Variants in MGMT observed in about 807,000 individuals in gnomAD.
The protein encoded by MGMT is methylated-DNA--protein-cysteine methyltransferase.
In MGMT, 14 loss-of-function variants were observed where a neutral mutation model predicts 15.9. The ratio of observed to expected loss-of-function variants is 0.88; its 90% CI spans 0.58 to 1.37. The LOEUF is 1.37. MGMT is among the 40% of genes most tolerant of loss of function. MGMT has a pLI of 0.00. For missense variants in MGMT, 282 were observed against 268.1 expected (o/e 1.05, Z -0.36); for synonymous variants, 130 against 118.2 (o/e 1.10, Z -0.65).
intron 1 of MGMT, among the ~76,000 whole-genome samples, chr10:129,486,653 A>G (rs1277581563): frequency 1.3e-5 from 2 of 151,348 alleles, no homozygotes; most frequent in African/African-American, 4.8e-5. Flanking sequence ...ATTTATTTGT[A>G]TTTCTACTCT....
At chr10:129,560,036 T>G (rs1451949790) in intron 2 of MGMT, among the ~76,000 whole-genome samples, 1 of 152,158 alleles carries the variant, frequency 6.6e-6, no homozygotes, top group South Asian at 2.1e-4. Context: ...GGAGCAAAAG[T>G]GGAATTATGA....
chr10:129,665,996 A>G (rs542712902), intron 2 of MGMT, among the ~76,000 whole-genome samples: 3 of 152,266 alleles, frequency 2.0e-5, no homozygotes, highest in East Asian at 3.9e-4. Context: ...TGGTTACCTA[A>G]GAGAATATTC....
At position 129,533,513 on chromosome 10, in the gene MGMT, G is replaced by T. The variant is rs1845954597; in HGVS notation, c.-12-2728G>T. On this transcript the variant is annotated intron_variant, in intron 1 of 4. Coordinates refer to ENST00000651593, the MANE Select transcript of MGMT (RefSeq NM_002412.5). The surrounding 1 kb of genome is among the most constrained non-coding windows in gnomAD (Gnocchi z 4.5). ...CTGGGCTGTTTACTGCCAGTCTGCTGGGAGCTTTGACCCACCATCGTGCAG... is the reference window on the plus strand; with the variant it reads ...CTGGGCTGTTTACTGCCAGTCTGCTTGGAGCTTTGACCCACCATCGTGCAG... Among the ~76,000 whole-genome samples the T allele has an allele frequency of 6.6e-6, 1 of 152,204 alleles. No individual in the cohort carries two copies. Among genetic ancestry groups the T allele is most frequent in the African/African-American group, 2.4e-5 (1 of 41,444 alleles).
chr10:129,580,937 C>T (rs1472458868), intron 2 of MGMT, among the ~76,000 whole-genome samples: 1 of 152,240 alleles, frequency 6.6e-6, no homozygotes, highest in Non-Finnish European at 1.5e-5. Context: ...TCCTTACACG[C>T]CCAGATCCAG....
intron 2 of MGMT, among the ~76,000 whole-genome samples, chr10:129,644,323 A>C (rs1847360946): frequency 6.6e-6 from 1 of 152,190 alleles, no homozygotes; most frequent in South Asian, 2.1e-4. Context: ...AAAAAGTGAC[A>C]ATGGCAGTAC....
At chr10:129,506,342 C>T (rs573976734) in intron 1 of MGMT, among the ~76,000 whole-genome samples, 4 of 152,296 alleles carry the variant, frequency 2.6e-5, no homozygotes, top group African/African-American at 9.6e-5. Context: ...TCCATGGCAT[C>T]CCATCCTCTT....
intron 4 of MGMT, among the ~76,000 whole-genome samples, chr10:129,761,447 G>C (rs10829626): frequency 0.65 from 98,820 of 152,162 alleles, 32,990 homozygotes; most frequent in African/African-American, 0.81. Context: ...ACCAGCCTTT[G>C]GTGATGCCAG....
rs1027011743 is a variant in MGMT at position 129,767,308 on chromosome 10, G to A, written c.*311G>A. On this transcript the variant is annotated 3_prime_UTR_variant, in exon 5 of 5. Transcript: ENST00000651593. ...GGCAGTCTGGCACCCTCAGGCCACA[G>A]ACGGCTGCCATAGCCGCTGTCCAGG... The A allele has an allele frequency of 4.4e-6, 1 of 229,066 alleles. No individual in the cohort carries two copies. The highest frequency in any genetic ancestry group is 2.3e-5 in the African/African-American group (1 of 43,738). 14.2% of individuals were successfully genotyped at this position (229,066 alleles called of 1,614,324 possible). A position where few individuals can be genotyped will look rare whatever the true frequency, so the allele number is the denominator to read the frequency against.
chr10:129,634,738 T>G (rs1343387434), intron 2 of MGMT, among the ~76,000 whole-genome samples: 2 of 152,216 alleles, frequency 1.3e-5, no homozygotes, highest in Non-Finnish European at 2.9e-5. Flanking sequence ...ATGTCTGGAA[T>G]ACAGTTACAT....
intron 2 of MGMT, among the ~76,000 whole-genome samples, chr10:129,652,327 T>C (rs549206636): frequency 6.6e-6 from 1 of 152,020 alleles, no homozygotes; most frequent in African/African-American, 2.4e-5. Flanking sequence ...TCCAGTAGAG[T>C]GGAGGGAAAA....
At chr10:129,733,012 A>G (rs1035571581) in intron 3 of MGMT, among the ~76,000 whole-genome samples, 1 of 151,856 alleles carries the variant, frequency 6.6e-6, no homozygotes, top group African/African-American at 2.4e-5. Context: ...ATGCCGCAAT[A>G]AACATACGTG....
At chr10:129,591,698 G>A (rs1190302488) in intron 2 of MGMT, among the ~76,000 whole-genome samples, 2 of 152,172 alleles carry the variant, frequency 1.3e-5, no homozygotes, top group South Asian at 2.1e-4. Context: ...TTGGGAGGCC[G>A]AGGTGGGTGG....
intron 2 of MGMT, among the ~76,000 whole-genome samples, chr10:129,666,779 T>C (rs1847663666): frequency 6.6e-6 from 1 of 152,158 alleles, no homozygotes; most frequent in African/African-American, 2.4e-5. Context: ...ATGCTGAGAG[T>C]AGTGATACTG....
chr10:129,527,946 C>T (rs1329436863), intron 1 of MGMT, among the ~76,000 whole-genome samples: 1 of 152,068 alleles, frequency 6.6e-6, no homozygotes, highest in Non-Finnish European at 1.5e-5. Flanking sequence ...TCCTCTCCTC[C>T]TCCTCTCCAC....
intron 2 of MGMT, among the ~76,000 whole-genome samples, chr10:129,578,601 G>A (rs567124390): frequency 6.6e-6 from 1 of 152,286 alleles, no homozygotes; most frequent in African/African-American, 2.4e-5. Flanking sequence ...GTTAATGGGT[G>A]CAGCACACCA....
intron 2 of MGMT, among the ~76,000 whole-genome samples, chr10:129,548,534 A>G (rs995862816): frequency 6.6e-6 from 1 of 152,214 alleles, no homozygotes; most frequent in African/African-American, 2.4e-5. Flanking sequence ...TTTCCTTCAA[A>G]GTTTTTGGTG....
At chr10:129,684,714 T>TC (rs959433398) in intron 2 of MGMT, among the ~76,000 whole-genome samples, 1 of 152,154 alleles carries the variant, frequency 6.6e-6, no homozygotes, top group African/African-American at 2.4e-5. Flanking sequence ...GAAAGGAGGT[T>TC]CCCCAAGACT....
intron 1 of MGMT, among the ~76,000 whole-genome samples, chr10:129,498,213 G>T (rs1454642387): frequency 1.3e-5 from 2 of 152,252 alleles, no homozygotes; most frequent in Non-Finnish European, 2.9e-5. Flanking sequence ...ACATATGTCT[G>T]TCAGTTACTG....
intron 4 of MGMT, among the ~76,000 whole-genome samples, chr10:129,765,258 C>G (rs980182582): frequency 3.3e-5 from 5 of 152,188 alleles, no homozygotes; most frequent in African/African-American, 1.2e-4. Context: ...CCAGCCAATT[C>G]TTTCTTTAGA....
Sources: gnomAD v4.1 joint callset for allele counts (sites outside exome capture counted in the v4.1 genomes callset) on GRCh38, gnomAD v4.1.1 for gene constraint, Gnocchi (gnomAD v3.1) non-coding constraint, MANE v1.5 for transcripts, NCBI Gene and HGNC (gene_info 2026-07-23, HGNC 2026-07-21) for gene names.